Variants in TGFBRAP1 observed in about 807,000 individuals in gnomAD.
TGFBRAP1 encodes transforming growth factor-beta receptor-associated protein 1.
In TGFBRAP1, 20 loss-of-function variants were observed where a neutral mutation model predicts 83.2. The observed-to-expected ratio is 0.24, with a 90% CI of 0.17 to 0.35. TGFBRAP1 has a LOEUF of 0.35. TGFBRAP1 is among the 10% of genes least tolerant of loss of function. The pLI, the probability that TGFBRAP1 is intolerant of heterozygous loss-of-function variation, is 1.00. For synonymous variants in TGFBRAP1, 415 were observed against 459.8 expected (o/e 0.90, Z 1.25); for missense variants, 950 against 1,099.4 (o/e 0.86, Z 1.92).
chr2:105,316,490 TAACTC>T (rs1678880888), intron 1 of TGFBRAP1, among the ~76,000 whole-genome samples: 1 of 127,318 alleles, frequency 7.9e-6, no homozygotes, highest in South Asian at 2.7e-4. Flanking sequence ...CACGCGCACA[TAACTC>T]AAAAAGCAGA....
intron 4 of TGFBRAP1, among the ~76,000 whole-genome samples, chr2:105,294,950 C>T (rs1339960763): frequency 6.6e-6 from 1 of 152,272 alleles, no homozygotes; most frequent in East Asian, 1.9e-4. Flanking sequence ...GAGCAGCTTG[C>T]AGGAGAGGAG....
chr2:105,289,515 T>C (rs1297276260), intron 4 of TGFBRAP1, among the ~76,000 whole-genome samples: 1 of 152,210 alleles, frequency 6.6e-6, no homozygotes, highest in Non-Finnish European at 1.5e-5. Flanking sequence ...AGATATGTTA[T>C]GTATTGAGGA....
At chr2:105,288,132 A>G (rs1353936489) in intron 4 of TGFBRAP1, among the ~76,000 whole-genome samples, 2 of 152,248 alleles carry the variant, frequency 1.3e-5, no homozygotes, top group Non-Finnish European at 2.9e-5. Flanking sequence ...AGCTCAGACT[A>G]GAATATTTTT....
intron 4 of TGFBRAP1, among the ~76,000 whole-genome samples, chr2:105,291,842 A>G (rs142403305): frequency 0.019 from 2,857 of 152,318 alleles, 40 homozygotes; most frequent in South Asian, 0.036. Flanking sequence ...GTGTGCCAAC[A>G]TGGAGAAATT....
rs1308425084 is a variant in TGFBRAP1, at chr2:105,321,316, G to A, written c.-18+8309C>T. Among the ~76,000 whole-genome samples, 4 of 152,048 alleles carry A rather than the reference G, an allele frequency of 2.6e-5. No individual in the cohort carries two copies. The South Asian group carries it at 6.2e-4, about 24-fold the overall frequency. On this transcript the variant is annotated intron_variant, in intron 1 of 11. Transcript: ENST00000393359. ...TGAGTAGCTGTGATTACAGGCAGCC[G>A]CCATCATGCCTGGCTAATTTTTTGT...
At chr2:105,260,122 T>C (rs1231291754), downstream of TGFBRAP1, among the ~76,000 whole-genome samples, 1 of 152,084 alleles carries the variant, frequency 6.6e-6, no homozygotes, top group Non-Finnish European at 1.5e-5. Context: ...AGGAAGAAAA[T>C]TCATGGCTGG....
At chr2:105,329,354 A>C (rs936996575) in intron 1 of TGFBRAP1, among the ~76,000 whole-genome samples, 8 of 151,884 alleles carry the variant, frequency 5.3e-5, no homozygotes, top group Non-Finnish European at 1.2e-4. Context: ...CACACACGTG[A>C]ACACTTATTT....
chr2:105,278,100 G>A (rs562721192), intron 6 of TGFBRAP1, among the ~76,000 whole-genome samples: 1 of 123,996 alleles, frequency 8.1e-6, no homozygotes, highest in Non-Finnish European at 2.0e-5. Flanking sequence ...GTGTGTGTGT[G>A]TGTGTGTGTG....
At chr2:105,273,733 C>T (rs764767998) in intron 8 of TGFBRAP1, 43 bp from the exon 9 acceptor site, 2 of 1,594,294 alleles carry the variant, frequency 1.3e-6, no homozygotes, top group African/African-American at 2.7e-5. Context: ...TTCCCAAACC[C>T]ACCTTTCCTT....
intron 4 of TGFBRAP1, among the ~76,000 whole-genome samples, chr2:105,293,308 T>C (rs1287552132): frequency 6.6e-6 from 1 of 152,212 alleles, no homozygotes; most frequent in Admixed American, 6.5e-5. Flanking sequence ...CCCTTTACTG[T>C]CTCTTATTTT....
chr2:105,285,426 C>T (rs1285783121), intron 4 of TGFBRAP1, among the ~76,000 whole-genome samples: 3 of 152,350 alleles, frequency 2.0e-5, no homozygotes, highest in Non-Finnish European at 2.9e-5. Context: ...TACAAAAACT[C>T]TGCCCAGAGA....
chr2:105,282,632 C>T (rs564011208), intron 5 of TGFBRAP1, among the ~76,000 whole-genome samples: 1 of 152,184 alleles, frequency 6.6e-6, no homozygotes, highest in Non-Finnish European at 1.5e-5. Context: ...TGAGACCAGC[C>T]TGGGCAACAC....
intron 2 of TGFBRAP1, among the ~76,000 whole-genome samples, chr2:105,302,009 T>TAAAAAA (rs35548542): frequency 1.3e-5 from 1 of 75,090 alleles, no homozygotes; most frequent in Non-Finnish European, 2.6e-5. Context: ...TAAAGAATAC[T>TAAAAAA]AAAAAAAAAA....
At chr2:105,288,035 G>A (rs375842975) in intron 4 of TGFBRAP1, among the ~76,000 whole-genome samples, 1 of 152,106 alleles carries the variant, frequency 6.6e-6, no homozygotes, top group Non-Finnish European at 1.5e-5. Context: ...GTGGTGAGGC[G>A]TGGATAAGGA....
chr2:105,293,372 G>A (rs992629142), intron 4 of TGFBRAP1, among the ~76,000 whole-genome samples: 2 of 152,114 alleles, frequency 1.3e-5, no homozygotes. Context: ...CTAAAGTTCT[G>A]AACAACCCTT....
chr2:105,260,336 G>C (rs1380999069), downstream of TGFBRAP1, among the ~76,000 whole-genome samples: 3 of 152,208 alleles, frequency 2.0e-5, no homozygotes, highest in South Asian at 4.1e-4. Flanking sequence ...TTGAACCCGG[G>C]AGGCGGAGGT....
intron 4 of TGFBRAP1, among the ~76,000 whole-genome samples, chr2:105,290,789 G>A (rs1341752890): frequency 6.6e-6 from 1 of 152,110 alleles, no homozygotes; most frequent in East Asian, 1.9e-4. Flanking sequence ...CAGATCACCT[G>A]AGGTCAGGAG....
At chr2:105,304,720 T>C (rs539699368) in intron 2 of TGFBRAP1, among the ~76,000 whole-genome samples, 11 of 152,100 alleles carry the variant, frequency 7.2e-5, no homozygotes, top group African/African-American at 2.7e-4. Context: ...GAGGCGGAGG[T>C]TGCAGTGAGC....
rs1676983327 is a variant in TGFBRAP1 at position 105,267,414 on chromosome 2, G to A, written c.2552C>T (p.Pro851Leu). 1 of 1,614,160 alleles carries A rather than the reference G, an allele frequency of 6.2e-7. No individual in the cohort carries two copies. ...CCGAGTGCCAGGACTGGATGAGCTG[G>A]GGTTTGTGTGTCTGCTGGCGGCACA... ...THCAASRHTN[P>L]SSSSPGTRT The change falls in exon 12 of 12, where the codon CCC (proline) becomes CTC (leucine). Residue 851 changes from proline to leucine, a missense_variant. Transcript: ENST00000393359.
Sources: allele counts gnomAD v4.1 joint callset (sites outside exome capture counted in the v4.1 genomes callset), GRCh38; gene constraint gnomAD v4.1.1; transcripts MANE v1.5; gene names NCBI Gene and HGNC (gene_info 2026-07-23, HGNC 2026-07-21).